Variants in RNF217 observed in about 807,000 individuals in gnomAD.
RNF217 encodes the protein ring finger protein 217.
RNF217 carries 31 observed loss-of-function variants against 57.8 expected under a neutral mutation model. The observed-to-expected ratio is 0.54, with a 90% CI of 0.40 to 0.72. RNF217 has a LOEUF of 0.72. RNF217 is among the 30% of genes least tolerant of loss of function. RNF217 has a pLI of 0.00. For missense variants in RNF217, 696 were observed against 708.3 expected (o/e 0.98, Z 0.20); for synonymous variants, 313 against 294.0 (o/e 1.06, Z -0.66).
intron 1 of RNF217, among the ~76,000 whole-genome samples, chr6:124,994,434 TATC>T: frequency 6.6e-6 from 1 of 152,320 alleles, no homozygotes; most frequent in East Asian, 1.9e-4. Context: ...CATTTCTTAA[TATC>T]ATTATATATC....
intron 1 of RNF217, among the ~76,000 whole-genome samples, chr6:124,974,008 C>A (rs968788007): frequency 5.3e-5 from 8 of 152,178 alleles, no homozygotes; most frequent in South Asian, 4.1e-4. Context: ...CGAGTGCCCC[C>A]ACATGGCCTT....
intron 2 of RNF217, among the ~76,000 whole-genome samples, chr6:125,053,823 C>T (rs916029891): frequency 6.6e-6 from 1 of 152,100 alleles, no homozygotes; most frequent in African/African-American, 2.4e-5. Context: ...ATTCTTAGCT[C>T]TGATAACTTT....
chr6:125,025,700 T>A (rs1386721073), intron 1 of RNF217, among the ~76,000 whole-genome samples: 1 of 127,074 alleles, frequency 7.9e-6, no homozygotes, highest in African/African-American at 3.1e-5. Context: ...CCAAATGTAC[T>A]CCCTTATGAG....
intron 2 of RNF217, among the ~76,000 whole-genome samples, chr6:125,054,186 T>C (rs960013419): frequency 6.6e-6 from 1 of 152,100 alleles, no homozygotes; most frequent in African/African-American, 2.4e-5. Flanking sequence ...CTGAATCTGG[T>C]TGCAAGAAAT....
chr6:125,059,688 TG>T (rs1214791221), intron 3 of RNF217, among the ~76,000 whole-genome samples: 1 of 152,140 alleles, frequency 6.6e-6, no homozygotes, highest in African/African-American at 2.4e-5. Flanking sequence ...CAACCTTAAA[TG>T]GACTATAATG....
At chr6:125,017,071 C>A (rs1785641734) in intron 1 of RNF217, among the ~76,000 whole-genome samples, 2 of 152,040 alleles carry the variant, frequency 1.3e-5, no homozygotes, top group African/African-American at 4.8e-5. Flanking sequence ...GCTTCTTTTC[C>A]CTTTTGCTGC....
chr6:124,975,994 A>G (rs578163364), intron 1 of RNF217, among the ~76,000 whole-genome samples: 5 of 152,270 alleles, frequency 3.3e-5, no homozygotes, highest in Non-Finnish European at 7.4e-5. Flanking sequence ...TTTGAAAACA[A>G]TAGGCTCCTA....
rs1226881813 is a variant in RNF217 at position 125,084,874 on chromosome 6, AG to A, written c.*1938del. 6.6e-6 allele frequency: 1 copy of A among 151,954 alleles called. No individual in the cohort carries two copies. Among genetic ancestry groups the A allele is most frequent in the Admixed American group, 6.6e-5 (1 of 15,230 alleles). 9.4% of individuals were successfully genotyped at this position (151,954 alleles called of 1,614,324 possible). On this transcript the variant is annotated 3_prime_UTR_variant, in exon 6 of 6. Transcript: ENST00000521654. Reference sequence around the variant, plus strand: ...ATTGAGTGCCTATCTTAGGTGTAATAGTATTTAAGACTGAAAGAAGGAGAAT... The same window carrying A: ...ATTGAGTGCCTATCTTAGGTGTAATATATTTAAGACTGAAAGAAGGAGAAT...
At chr6:125,079,770 T>C (rs723051) in intron 4 of RNF217, among the ~76,000 whole-genome samples, 3,885 of 152,156 alleles carry the variant, frequency 0.026, 65 homozygotes, top group Middle Eastern at 0.058. Flanking sequence ...TGTGCAAGTA[T>C]AATTTAAAAT....
intron 3 of RNF217, among the ~76,000 whole-genome samples, chr6:125,075,043 C>G (rs768701955): frequency 1.1e-4 from 16 of 152,180 alleles, no homozygotes; most frequent in Non-Finnish European, 2.2e-4. Context: ...AGTACCTACT[C>G]CAAGTGCAAG....
intron 3 of RNF217, among the ~76,000 whole-genome samples, chr6:125,065,826 C>T (rs542212675): frequency 6.6e-6 from 1 of 152,308 alleles, no homozygotes; most frequent in East Asian, 1.9e-4. Flanking sequence ...GCTGTTGGCT[C>T]AGTCGGTAGG....
At chr6:125,062,855 G>A (rs1236524929) in intron 3 of RNF217, among the ~76,000 whole-genome samples, 5 of 152,154 alleles carry the variant, frequency 3.3e-5, no homozygotes, top group East Asian at 1.9e-4. Flanking sequence ...GATTACAGGC[G>A]TGAGCCACTG....
At chr6:125,027,684 T>A (rs1786166687) in intron 1 of RNF217, among the ~76,000 whole-genome samples, 1 of 152,216 alleles carries the variant, frequency 6.6e-6, no homozygotes, top group Non-Finnish European at 1.5e-5. Context: ...GTGGGATTGC[T>A]GGATCATATG....
intron 3 of RNF217, among the ~76,000 whole-genome samples, chr6:125,072,681 G>A (rs1181362241): frequency 6.6e-6 from 1 of 152,184 alleles, no homozygotes; most frequent in Non-Finnish European, 1.5e-5. Flanking sequence ...GTCAGGAAAA[G>A]TGATGCCATT....
At chr6:125,029,345 T>G (rs2114458667) in intron 1 of RNF217, among the ~76,000 whole-genome samples, 1 of 152,334 alleles carries the variant, frequency 6.6e-6, no homozygotes, top group South Asian at 2.1e-4. Flanking sequence ...ACACTTTGAT[T>G]TAGTTCCTGG....
At chr6:125,018,423 C>T (rs1785694099) in intron 1 of RNF217, among the ~76,000 whole-genome samples, 1 of 152,108 alleles carries the variant, frequency 6.6e-6, no homozygotes, top group Non-Finnish European at 1.5e-5. Flanking sequence ...GGACAGTTCT[C>T]TTTGAGCACA....
At chr6:125,077,114 C>G (rs1375500168) in intron 4 of RNF217, among the ~76,000 whole-genome samples, 5 of 152,104 alleles carry the variant, frequency 3.3e-5, no homozygotes, top group Non-Finnish European at 4.4e-5. Flanking sequence ...TTATTTGCCT[C>G]TTAAATTTCT....
chr6:125,059,708 G>T (rs1787659171), intron 3 of RNF217, among the ~76,000 whole-genome samples: 1 of 152,118 alleles, frequency 6.6e-6, no homozygotes, highest in African/African-American at 2.4e-5. Context: ...TGTAAAGGAA[G>T]AAAAAGAAGC....
Position 124,990,352 on chromosome 6 carries a change from C to T in RNF217, c.882+26926C>T, listed in dbSNP as rs142232607. Among the ~76,000 whole-genome samples the T allele has an allele frequency of 1.5e-3, 225 of 152,276 alleles. 2 individuals are homozygous for T. The highest frequency in any genetic ancestry group is 5.0e-3 in the African/African-American group (206 of 41,552). ...CTGCCACTGGCTTTCTAATTTATAT[C>T]CCGAGCTCAGACAGTTTCATGGAAC... On this transcript the variant is annotated intron_variant, in intron 1 of 5. Coordinates refer to ENST00000521654, the MANE Select transcript of RNF217 (RefSeq NM_001286398.3).
Sources: allele counts gnomAD v4.1 joint callset (sites outside exome capture counted in the v4.1 genomes callset), GRCh38; gene constraint gnomAD v4.1.1; transcripts MANE v1.5; gene names NCBI Gene and HGNC (gene_info 2026-07-23, HGNC 2026-07-21).